The following EPHB2 variants were observed in gnomAD, a reference collection of about 807,000 sequenced individuals.
EPHB2 encodes EPH receptor B2.
Under a neutral mutation model 96.4 loss-of-function variants are expected in EPHB2, and 18 were observed. The ratio of observed to expected loss-of-function variants is 0.19; its 90% CI spans 0.13 to 0.28. The LOEUF is 0.28. Ranked by LOEUF, EPHB2 falls within the 10% of genes least tolerant of loss-of-function variation. EPHB2 has a pLI of 1.00. For synonymous variants in EPHB2, 506 were observed against 534.1 expected, an observed-to-expected ratio of 0.95 and a Z score of 0.72; for missense variants, 989 against 1,355.4, an observed-to-expected ratio of 0.73 and a Z score of 4.25.
At chr1:22,738,163 G>T (rs559311849) in intron 1 of EPHB2, among the ~76,000 whole-genome samples, 1 of 152,312 alleles carries the variant, frequency 6.6e-6, no homozygotes, top group South Asian at 2.1e-4. Flanking sequence ...CCCTCTTTGG[G>T]GATGATTTAT....
At chr1:22,775,548 C>T (rs529330511) in intron 1 of EPHB2, among the ~76,000 whole-genome samples, 10 of 152,376 alleles carry the variant, frequency 6.6e-5, no homozygotes, top group Admixed American at 5.9e-4. Flanking sequence ...GCAGGCAGGC[C>T]CCCTGCAGCC....
chr1:22,882,720 C>T, intron 6 of EPHB2: 2 of 494,168 alleles, frequency 4.0e-6, no homozygotes, highest in Non-Finnish European at 7.3e-6. Context: ...GGAGGATACA[C>T]CCAGCAATCT....
Position 22,858,917 on chromosome 1 carries a change from G to T in EPHB2, c.812-4120G>T, listed in dbSNP as rs1401942995. 1.3e-5 allele frequency among the ~76,000 whole-genome samples: 2 copies of T among 152,296 alleles called. No individual in the cohort carries two copies. Among genetic ancestry groups the T allele is most frequent in the Admixed American group, 6.5e-5 (1 of 15,302 alleles). On this transcript the variant is annotated intron_variant, in intron 3 of 15. Transcript: ENST00000374630. This position sits in a 1 kb window ranked among gnomAD's most constrained non-coding sequence, Gnocchi z 7.7. ...CCCACTAGAAACCCAGCATTATACT[G>T]GGAGTTTACAGTCCAGCCAGGTAGA...
At chr1:22,909,313 C>T in intron 13 of EPHB2, 142 bp downstream of exon 13, 1 of 1,338,968 alleles carries the variant, frequency 7.5e-7, no homozygotes, top group Non-Finnish European at 1.0e-6. Context: ...AGGGCAGCTG[C>T]CAGCCCAATG....
chr1:22,797,381 T>C (rs1424743245), intron 3 of EPHB2, among the ~76,000 whole-genome samples: 7 of 152,144 alleles, frequency 4.6e-5, no homozygotes, highest in Non-Finnish European at 1.5e-5. Context: ...AAGTGACTGC[T>C]CCCTCTTCTG....
At chr1:22,775,035 C>T (rs1644430317) in intron 1 of EPHB2, 2 of 653,544 alleles carry the variant, frequency 3.1e-6, no homozygotes, top group Admixed American at 4.5e-5. Flanking sequence ...ATGTCCCACT[C>T]CCCTGCTGCC....
At chr1:22,882,290 T>C (rs1639073309) in intron 5 of EPHB2, 69 bp from the exon 6 acceptor site, 19 of 1,600,726 alleles carry the variant, frequency 1.2e-5, no homozygotes, top group Admixed American at 1.7e-5. Flanking sequence ...TCCGAGTACC[T>C]CTGAGGGTGG....
chr1:22,792,807 A>G (rs1644713183), intron 3 of EPHB2, among the ~76,000 whole-genome samples: 1 of 152,200 alleles, frequency 6.6e-6, no homozygotes, highest in Admixed American at 6.5e-5. Flanking sequence ...ATGGTGACAG[A>G]TACATCTACA....
At chr1:22,781,621 C>G in intron 2 of EPHB2, 136 bp downstream of exon 2, 1 of 787,356 alleles carries the variant, frequency 1.3e-6, no homozygotes, top group Non-Finnish European at 2.2e-6. Context: ...TCAGCCCCAC[C>G]CTCCCAATCC....
chr1:22,818,912 A>G (rs1043761003), intron 3 of EPHB2, among the ~76,000 whole-genome samples: 1 of 151,794 alleles, frequency 6.6e-6, no homozygotes, highest in African/African-American at 2.4e-5. Flanking sequence ...TCTCCACTAC[A>G]CAGAGTCCCC....
At position 22,917,579 on chromosome 1, in the gene EPHB2, T is replaced by C. The variant is rs1216824834; in HGVS notation, c.*4009T>C. The C allele has an allele frequency of 6.6e-6, 1 of 152,160 alleles. No homozygotes were observed. Among genetic ancestry groups the C allele is most frequent in the Non-Finnish European group, 1.5e-5 (1 of 68,040 alleles). The allele number at this position is 152,160 out of a possible 1,614,324, so 9.4% of individuals were successfully genotyped here. On this transcript the variant is annotated 3_prime_UTR_variant, in exon 16 of 16. Transcript: ENST00000374630. Reference sequence around the variant, plus strand: ...CTGAGCCATCTGTAAAATGAGAGCATTGGACTGGGTGAGGCAGGCTGTGCA... The same window carrying C: ...CTGAGCCATCTGTAAAATGAGAGCACTGGACTGGGTGAGGCAGGCTGTGCA...
At chr1:22,765,200 C>T (rs1268958926) in intron 1 of EPHB2, among the ~76,000 whole-genome samples, 1 of 152,092 alleles carries the variant, frequency 6.6e-6, no homozygotes, top group Non-Finnish European at 1.5e-5. Context: ...AGCATAGGAC[C>T]CCCACTGCAC....
chr1:22,713,170 A>G (rs959668060), intron 1 of EPHB2, among the ~76,000 whole-genome samples: 1 of 152,126 alleles, frequency 6.6e-6, no homozygotes, highest in African/African-American at 2.4e-5. Flanking sequence ...GGGCTGCAGC[A>G]GGCACCCCAA....
At chr1:22,730,080 G>C (rs775430631) in intron 1 of EPHB2, among the ~76,000 whole-genome samples, 44 of 152,250 alleles carry the variant, frequency 2.9e-4, no homozygotes, top group Non-Finnish European at 6.0e-4. Context: ...CAGGGTGGGG[G>C]TGTGGGATCC....
At chr1:22,805,731 TGAGA>T (rs374263224) in intron 3 of EPHB2, among the ~76,000 whole-genome samples, 26 of 151,198 alleles carry the variant, frequency 1.7e-4, no homozygotes, top group Non-Finnish European at 3.7e-4. Flanking sequence ...CATGTGTGTA[TGAGA>T]GAGAGAGAGA....
chr1:22,769,497 C>G (rs1644349999), intron 1 of EPHB2, among the ~76,000 whole-genome samples: 1 of 152,116 alleles, frequency 6.6e-6, no homozygotes, highest in South Asian at 2.1e-4. Flanking sequence ...ACCTCTGCCT[C>G]CTGGGTTCAA....
At chr1:22,895,750 G>T (rs546931584) in intron 8 of EPHB2, among the ~76,000 whole-genome samples, 170 bp downstream of exon 8, 1 of 152,368 alleles carries the variant, frequency 6.6e-6, no homozygotes, top group South Asian at 2.1e-4. Flanking sequence ...CTACCTAAGC[G>T]GCCACCATGT....
chr1:22,760,556 C>G (rs1644221527), intron 1 of EPHB2, among the ~76,000 whole-genome samples: 3 of 152,242 alleles, frequency 2.0e-5, no homozygotes. Flanking sequence ...CTTCCCAAAG[C>G]TGAAAAGCTG....
chr1:22,806,199 C>T (rs1570312615), intron 3 of EPHB2, among the ~76,000 whole-genome samples: 1 of 152,312 alleles, frequency 6.6e-6, no homozygotes, highest in South Asian at 2.1e-4. Flanking sequence ...GTGCACAGGG[C>T]AAACACTTTA....
Sources: gnomAD v4.1 joint callset for allele counts (sites outside exome capture counted in the v4.1 genomes callset) on GRCh38, gnomAD v4.1.1 for gene constraint, Gnocchi (gnomAD v3.1) non-coding constraint, MANE v1.5 for transcripts, NCBI Gene and HGNC (gene_info 2026-07-23, HGNC 2026-07-21) for gene names.